Variants in SLC44A5 observed in about 807,000 individuals in gnomAD.
SLC44A5 encodes the protein solute carrier family 44 member 5, also known as choline transporter-like protein 5.
In SLC44A5, 57 loss-of-function variants were observed where a neutral mutation model predicts 101.8. The ratio of observed to expected loss-of-function variants is 0.56; its 90% CI spans 0.45 to 0.70. The LOEUF is 0.70. Ranked by LOEUF, SLC44A5 falls within the 30% of genes least tolerant of loss-of-function variation. The pLI is 0.00. For missense variants in SLC44A5, 737 were observed against 853.1 expected, an observed-to-expected ratio of 0.86 and a Z score of 1.70; for synonymous variants, 281 against 290.9, an observed-to-expected ratio of 0.97 and a Z score of 0.35.
At position 75,381,070 on chromosome 1, in the gene SLC44A5, T is replaced by C. The variant is rs1369677303; in HGVS notation, c.52+15513A>G. 2.5e-5 allele frequency among the ~76,000 whole-genome samples: 2 copies of C among 79,190 alleles called. 1 individual carries two copies. Among genetic ancestry groups the C allele is most frequent in the Non-Finnish European group, 4.3e-5 (2 of 46,670 alleles). The allele number at this position is 79,190 out of a possible 152,430, so 52.0% of individuals were successfully genotyped here. A position where few individuals can be genotyped will look rare whatever the true frequency, so the allele number is the denominator to read the frequency against. ...GCCACGGGTAAATTATTTACAAGAC[T>C]TTCCTTATCAAAGATCATTAAAATT... On this transcript the variant is annotated intron_variant, in intron 3 of 23. Transcript: ENST00000370859.
chr1:75,231,098 T>C (rs993250315), intron 12 of SLC44A5, among the ~76,000 whole-genome samples: 8 of 152,160 alleles, frequency 5.3e-5, no homozygotes, highest in South Asian at 2.1e-4. Flanking sequence ...CTAGAGGAGA[T>C]TTACATTTGT....
chr1:75,545,769 T>C (rs1298012750), intron 1 of SLC44A5, among the ~76,000 whole-genome samples: 1 of 152,170 alleles, frequency 6.6e-6, no homozygotes, highest in Non-Finnish European at 1.5e-5. Flanking sequence ...GTTGATCTTC[T>C]ACCTTTACTA....
chr1:75,214,853 C>T (rs746209394), intron 19 of SLC44A5, among the ~76,000 whole-genome samples, 175 bp from the exon 20 acceptor site: 2 of 152,144 alleles, frequency 1.3e-5, no homozygotes, highest in Non-Finnish European at 2.9e-5. Context: ...CTCTACACAA[C>T]TCTCAGTGTC....
chr1:75,411,211 A>G (rs1323767021), intron 2 of SLC44A5, among the ~76,000 whole-genome samples: 1 of 152,138 alleles, frequency 6.6e-6, no homozygotes, highest in Non-Finnish European at 1.5e-5. Flanking sequence ...ATTTCAATGT[A>G]TCAATTTAAG....
chr1:75,708,464 G>T, the SLC44A5 span, among the ~76,000 whole-genome samples: 38,408 of 144,696 alleles, frequency 0.27, 6,274 homozygotes, highest in East Asian at 0.68. Context: ...GACCCAGGAA[G>T]TATGTGAATT....
chr1:75,678,095 C>T, the SLC44A5 span, among the ~76,000 whole-genome samples: 1 of 152,218 alleles, frequency 6.6e-6, no homozygotes, highest in East Asian at 1.9e-4. Context: ...TATCCTGCAC[C>T]TGGCTCGGAG....
At chr1:75,652,209 G>A in the SLC44A5 span, among the ~76,000 whole-genome samples, 3 of 152,228 alleles carry the variant, frequency 2.0e-5, no homozygotes, top group East Asian at 3.9e-4. Flanking sequence ...TCACCCCAAG[G>A]GAAGAATCAG....
chr1:75,241,917 CTCA>C (rs1648664632), intron 9 of SLC44A5, 81 bp downstream of exon 9: 3 of 1,223,156 alleles, frequency 2.5e-6, no homozygotes, highest in Non-Finnish European at 3.6e-6. Context: ...TGGCCTCAGT[CTCA>C]TCAATTGTGA....
the SLC44A5 span, among the ~76,000 whole-genome samples, chr1:75,630,080 T>C: frequency 1.9e-4 from 29 of 152,326 alleles, no homozygotes; most frequent in East Asian, 5.6e-3. Flanking sequence ...TTGTTTCTGA[T>C]ATCTGTGGGG....
At chr1:75,640,094 C>A in the SLC44A5 span, among the ~76,000 whole-genome samples, 5 of 152,204 alleles carry the variant, frequency 3.3e-5, no homozygotes, top group Non-Finnish European at 7.4e-5. Context: ...TGGCAAACCA[C>A]CCCAAAACAC....
At chr1:75,492,633 T>A (rs978255128) in intron 2 of SLC44A5, among the ~76,000 whole-genome samples, 1 of 152,106 alleles carries the variant, frequency 6.6e-6, no homozygotes, top group African/African-American at 2.4e-5. Context: ...CTTTATTAAA[T>A]ACACATAGAT....
rs753122680 is a variant in SLC44A5 at position 75,573,386 on chromosome 1, A to C, written c.-69-31870T>G. 7.2e-5 allele frequency among the ~76,000 whole-genome samples: 11 copies of C among 152,188 alleles called. 2 individuals are homozygous for C. The South Asian group carries it at 2.3e-3, about 32-fold the overall frequency. On this transcript the variant is annotated intron_variant, in intron 1 of 23. Transcript: ENST00000370859. ...TATAGATATAACTGCCAGAAGAATC[A>C]AAACAAAAACAGTTAAACGTTGGCC...
At chr1:75,623,135 A>G in the SLC44A5 span, among the ~76,000 whole-genome samples, 1 of 152,172 alleles carries the variant, frequency 6.6e-6, no homozygotes, top group Admixed American at 6.6e-5. Context: ...TCATACATTC[A>G]TAGTATTTAC....
At chr1:75,437,473 T>A (rs987070600) in intron 2 of SLC44A5, among the ~76,000 whole-genome samples, 7 of 152,144 alleles carry the variant, frequency 4.6e-5, no homozygotes, top group Non-Finnish European at 1.0e-4. Context: ...ATCATTTGCC[T>A]CTATCCTGAC....
At chr1:75,313,024 T>G (rs894845159) in intron 4 of SLC44A5, among the ~76,000 whole-genome samples, 17 of 152,324 alleles carry the variant, frequency 1.1e-4, no homozygotes, top group Middle Eastern at 3.4e-3. Flanking sequence ...AAAAGTTCTA[T>G]CTCAGTTAGA....
chr1:75,717,590 C>T, the SLC44A5 span, among the ~76,000 whole-genome samples: 3 of 152,108 alleles, frequency 2.0e-5, no homozygotes, highest in Non-Finnish European at 2.9e-5. Flanking sequence ...AACCTGCACA[C>T]GTACCTCTGA....
chr1:75,628,778 A>G, the SLC44A5 span, among the ~76,000 whole-genome samples: 1 of 152,192 alleles, frequency 6.6e-6, no homozygotes, highest in Non-Finnish European at 1.5e-5. Flanking sequence ...TCTTAATGTC[A>G]TCCTCCAAAC....
the SLC44A5 span, among the ~76,000 whole-genome samples, chr1:75,659,593 C>T: frequency 9.5e-5 from 12 of 125,804 alleles, no homozygotes; most frequent in Non-Finnish European, 2.0e-4. Context: ...AGTTGGAGAC[C>T]AGCCTTGGCA....
chr1:75,279,201 C>T (rs1652180733), intron 5 of SLC44A5, among the ~76,000 whole-genome samples: 1 of 152,086 alleles, frequency 6.6e-6, no homozygotes, highest in Non-Finnish European at 1.5e-5. Context: ...ATCTCTCCCT[C>T]CCTCATTCCC....
Sources: gnomAD v4.1 joint callset for allele counts (sites outside exome capture counted in the v4.1 genomes callset) on GRCh38, gnomAD v4.1.1 for gene constraint, MANE v1.5 for transcripts, NCBI Gene and HGNC (gene_info 2026-07-23, HGNC 2026-07-21) for gene names.